SCAPER: variants seen among roughly 807,000 people sequenced by gnomAD.
The protein encoded by SCAPER is S-phase cyclin A associated protein in the ER, also known as S phase cyclin A-associated protein in the endoplasmic reticulum.
Under a neutral mutation model 182.2 loss-of-function variants are expected in SCAPER, and 98 were observed. That is an observed-to-expected ratio of 0.54 (90% CI 0.46 to 0.64). The LOEUF (loss-of-function observed/expected upper bound fraction) is 0.64. SCAPER is among the 30% of genes least tolerant of loss of function. The probability of loss-of-function intolerance (pLI) is 0.00; values close to 1 mark genes in which losing one functional copy is unlikely to be tolerated. For synonymous variants in SCAPER, 605 were observed against 564.6 expected, an observed-to-expected ratio of 1.07 and a Z score of -1.01; for missense variants, 1,432 against 1,690.0, an observed-to-expected ratio of 0.85 and a Z score of 2.68.
chr15:76,837,988 T>G lies in SCAPER; in HGVS notation c.393+3746A>C, dbSNP rs192708587. 6.6e-5 allele frequency among the ~76,000 whole-genome samples: 10 copies of G among 152,270 alleles called. No individual in the cohort carries two copies. The East Asian group carries it at 1.9e-3, about 29-fold the overall frequency. On this transcript the variant is annotated intron_variant, in intron 5 of 31. Coordinates refer to ENST00000563290, the MANE Select transcript of SCAPER (RefSeq NM_020843.4). Reference sequence around the variant, plus strand: ...TTGTTCAGCCACCATGGAAAGCAGTTTGGAGATTTCTCAAAGAACTGAAAA... The same window carrying G: ...TTGTTCAGCCACCATGGAAAGCAGTGTGGAGATTTCTCAAAGAACTGAAAA...
In SCAPER at chr15:76,406,182, A is replaced by G. The variant is rs185861988; in HGVS notation, c.3312-1503T>C. Among the ~76,000 whole-genome samples, 1,273 of 151,996 alleles carry G rather than the reference A, an allele frequency of 8.4e-3. 12 individuals are homozygous for G. Among genetic ancestry groups the G allele is most frequent in the African/African-American group, 0.029 (1,207 of 41,258 alleles). ...TTGCACAGAACTCTTCAATTTAGAA[A>G]GTGTTTTGTCTGTAGCCAGACACGG... On this transcript the variant is annotated intron_variant, in intron 26 of 31. Transcript: ENST00000563290.
At position 76,719,902 on chromosome 15, in the gene SCAPER, G is replaced by C. The variant is rs145939279; in HGVS notation, c.2165+8693C>G. On this transcript the variant is annotated intron_variant, in intron 17 of 31. Coordinates refer to ENST00000563290, the MANE Select transcript of SCAPER (RefSeq NM_020843.4). ...CTTAACAGAATTTATTGTGGTTGCT[G>C]AAACAAAATAAATGGTATTTCTTTT... 3.7e-4 allele frequency among the ~76,000 whole-genome samples: 56 copies of C among 151,312 alleles called. No homozygotes were observed. The East Asian group carries it at 0.01, about 27-fold the overall frequency.
intron 20 of SCAPER, among the ~76,000 whole-genome samples, chr15:76,673,604 C>T (rs280019): frequency 0.97 from 147,567 of 152,220 alleles, 71,679 homozygotes; most frequent in South Asian, 1. Flanking sequence ...GGAGGCTGAA[C>T]AGACACACAC....
chr15:76,652,307 T>C (rs578133004), intron 21 of SCAPER, among the ~76,000 whole-genome samples: 1,308 of 19,242 alleles, frequency 0.068, 204 homozygotes, highest in East Asian at 0.11. Context: ...TATATATATA[T>C]ATACACACAC....
chr15:76,793,458 G>A, intron 8 of SCAPER: 1 of 532,530 alleles, frequency 1.9e-6, no homozygotes, highest in Non-Finnish European at 3.4e-6. Context: ...CTTCAGGGAG[G>A]GAGAAAGGAA....
At chr15:76,443,699 T>A (rs2047782115) in intron 25 of SCAPER, among the ~76,000 whole-genome samples, 1 of 152,212 alleles carries the variant, frequency 6.6e-6, no homozygotes, top group Admixed American at 6.5e-5. Flanking sequence ...AAATTAAAGT[T>A]GTGCAAACTT....
At chr15:76,606,611 T>C (rs1009142678) in intron 22 of SCAPER, among the ~76,000 whole-genome samples, 4 of 151,466 alleles carry the variant, frequency 2.6e-5, no homozygotes, top group Non-Finnish European at 5.9e-5. Context: ...ATGTTGACAG[T>C]GGGGGGTTAA....
At chr15:76,615,054 A>C (rs1386945409) in intron 22 of SCAPER, among the ~76,000 whole-genome samples, 1 of 152,232 alleles carries the variant, frequency 6.6e-6, no homozygotes, top group Admixed American at 6.5e-5. Flanking sequence ...AAAATATGCC[A>C]AAATCTAATG....
At chr15:76,524,703 T>G (rs1307057776) in intron 23 of SCAPER, among the ~76,000 whole-genome samples, 2 of 145,748 alleles carry the variant, frequency 1.4e-5, no homozygotes, top group Non-Finnish European at 3.0e-5. Context: ...TTTTTTTTTT[T>G]TTTTTTTTTT....
intron 11 of SCAPER, among the ~76,000 whole-genome samples, chr15:76,766,700 A>G (rs536899492): frequency 7.2e-5 from 11 of 152,342 alleles, no homozygotes; most frequent in South Asian, 6.2e-4. Context: ...ACTGTATCAT[A>G]CATGAAAATA....
At chr15:76,778,709 T>C (rs2063901793) in intron 8 of SCAPER, among the ~76,000 whole-genome samples, 1 of 152,004 alleles carries the variant, frequency 6.6e-6, no homozygotes, top group African/African-American at 2.4e-5. Flanking sequence ...TTTAAGTATG[T>C]TTTTAAGTAT....
intron 24 of SCAPER, among the ~76,000 whole-genome samples, chr15:76,499,613 GGA>G (rs2040915030): frequency 6.6e-6 from 1 of 152,130 alleles, no homozygotes; most frequent in Admixed American, 6.6e-5. Flanking sequence ...ATCTACTTGG[GGA>G]GATGATGGTA....
intron 23 of SCAPER, among the ~76,000 whole-genome samples, chr15:76,551,887 T>G (rs532590375): frequency 6.6e-6 from 1 of 152,148 alleles, no homozygotes; most frequent in Non-Finnish European, 1.5e-5. Context: ...CATGCCTACA[T>G]GTCTGTTGCT....
chr15:76,448,169 A>G (rs1329204668), intron 25 of SCAPER, among the ~76,000 whole-genome samples: 3 of 152,202 alleles, frequency 2.0e-5, no homozygotes, highest in Admixed American at 6.5e-5. Context: ...GGGTAAGACA[A>G]TGAAGGATTC....
Position 76,504,917 on chromosome 15 carries a change from T to A in SCAPER, c.2896A>T (p.Ile966Phe). 6.2e-7 allele frequency: 1 copy of A among 1,613,132 alleles called. No homozygotes were observed. Among genetic ancestry groups the A allele is most frequent in the Non-Finnish European group, 8.5e-7 (1 of 1,179,612 alleles). Residue 966 changes from isoleucine (I) to phenylalanine (F), a missense_variant, in exon 24 of 32, where the codon ATC becomes TTC. Around this residue, in one of 5 missense-constraint regions of SCAPER, gnomAD observed 718 missense variants for 799.7 expected, o/e 0.90. Transcript: ENST00000563290. ...AAGGLTALEH[I>F]LQAVVPATNV... ...GTGGCTGGGACTACTGCTTGAAGGA[T>A]GTGTTCAAGGGCTGTTAATCCACCA...
intron 1 of SCAPER, among the ~76,000 whole-genome samples, chr15:76,888,868 A>C (rs1383756188): frequency 6.6e-6 from 1 of 152,184 alleles, no homozygotes; most frequent in Non-Finnish European, 1.5e-5. Flanking sequence ...CCCAAGATAC[A>C]TAATTGTCAG....
intron 22 of SCAPER, among the ~76,000 whole-genome samples, chr15:76,605,272 T>G (rs892708584): frequency 6.6e-6 from 1 of 152,136 alleles, no homozygotes; most frequent in Non-Finnish European, 1.5e-5. Context: ...CTGCATCTAT[T>G]GAGATAATCA....
intron 24 of SCAPER, among the ~76,000 whole-genome samples, chr15:76,494,036 T>G: frequency 6.6e-6 from 1 of 152,188 alleles, no homozygotes; most frequent in East Asian, 1.9e-4. Context: ...TAGAAATAAG[T>G]GTTTATTAAC....
chr15:76,527,619 T>C (rs776412156), intron 23 of SCAPER, among the ~76,000 whole-genome samples: 5 of 152,250 alleles, frequency 3.3e-5, no homozygotes, highest in Non-Finnish European at 5.9e-5. Flanking sequence ...AAGCTCTGAC[T>C]GTAGGTTGTG....
Sources: allele counts gnomAD v4.1 joint callset (sites outside exome capture counted in the v4.1 genomes callset), GRCh38; gene constraint gnomAD v4.1.1; regional missense constraint gnomAD v4.1.1; transcripts MANE v1.5; gene names NCBI Gene and HGNC (gene_info 2026-07-23, HGNC 2026-07-21).